Variants in JAM3 observed in about 807,000 individuals in gnomAD.
The protein encoded by JAM3 is junctional adhesion molecule C.
Under a neutral mutation model 39.4 loss-of-function variants are expected in JAM3, and 31 were observed. The observed-to-expected ratio is 0.79, with a 90% CI of 0.59 to 1.06. The LOEUF (loss-of-function observed/expected upper bound fraction) is 1.06, where lower values mean the gene tolerates loss of function less well. JAM3 is among the 50% of genes least tolerant of loss of function. The pLI is 0.00. For synonymous variants in JAM3, 182 were observed against 148.7 expected (o/e 1.22, Z -1.63); for missense variants, 455 against 391.4 (o/e 1.16, Z -1.37).
intron 1 of JAM3, among the ~76,000 whole-genome samples, chr11:134,111,700 A>G (rs984879355): frequency 2.6e-5 from 4 of 152,238 alleles, no homozygotes; most frequent in African/African-American, 9.6e-5. Context: ...GAAAATGGTT[A>G]AAATCACAAG....
chr11:134,073,976 T>C, intron 1 of JAM3, among the ~76,000 whole-genome samples: 1 of 152,208 alleles, frequency 6.6e-6, no homozygotes, highest in East Asian at 1.9e-4. Context: ...AAGAGAATGG[T>C]AATAATTTAT....
intron 6 of JAM3, among the ~76,000 whole-genome samples, chr11:134,147,365 G>A (rs1391948195): frequency 4.2e-5 from 6 of 143,806 alleles, no homozygotes; most frequent in Non-Finnish European, 7.5e-5. Flanking sequence ...GAGGCAGAAG[G>A]ATCCCTTGAA....
intron 1 of JAM3, among the ~76,000 whole-genome samples, chr11:134,108,801 C>CA (rs1942253248): frequency 6.6e-6 from 1 of 151,996 alleles, no homozygotes; most frequent in African/African-American, 2.4e-5. Context: ...CAGACAACAG[C>CA]AAAACAACAG....
At chr11:134,124,754 T>C (rs573155130) in intron 1 of JAM3, among the ~76,000 whole-genome samples, 76 of 151,520 alleles carry the variant, frequency 5.0e-4, no homozygotes, top group African/African-American at 1.7e-3. Flanking sequence ...GGCCGGTCGG[T>C]GTGTCCAGGA....
At position 134,093,234 on chromosome 11, in the gene JAM3, G is replaced by A. The variant is rs74382521; in HGVS notation, c.76+24075G>A. Among the ~76,000 whole-genome samples, 106 of 88,062 alleles carry A rather than the reference G, an allele frequency of 1.2e-3. 1 individual carries two copies. The highest frequency in any genetic ancestry group is 4.4e-3 in the East Asian group (9 of 2,054). 57.8% of individuals were successfully genotyped at this position (88,062 alleles called of 152,430 possible). ...CCTTACATCTTATTCATCATGTTCC[G>A]TCTTACATGTCACTTCCTGAGGGAA... On this transcript the variant is annotated intron_variant, in intron 1 of 8. Transcript: ENST00000299106.
At chr11:134,098,279 A>G (rs1445300901) in intron 1 of JAM3, among the ~76,000 whole-genome samples, 1 of 152,208 alleles carries the variant, frequency 6.6e-6, no homozygotes, top group East Asian at 1.9e-4. Flanking sequence ...ACAAAAGTTC[A>G]ACTTCAGAGA....
intron 1 of JAM3, among the ~76,000 whole-genome samples, chr11:134,078,003 C>T (rs942163867): frequency 6.6e-6 from 1 of 152,098 alleles, no homozygotes; most frequent in Non-Finnish European, 1.5e-5. Context: ...CAGTGCCTGT[C>T]TCTGGGGTGA....
chr11:134,121,818 T>TGCGC (rs56410711), intron 1 of JAM3, among the ~76,000 whole-genome samples: 4,566 of 118,444 alleles, frequency 0.039, 214 homozygotes, highest in East Asian at 0.25. Flanking sequence ...CGTGCATGTG[T>TGCGC]GCGCACACAC....
chr11:134,121,940 C>T (rs1022759338), intron 1 of JAM3, among the ~76,000 whole-genome samples: 4 of 152,062 alleles, frequency 2.6e-5, no homozygotes, highest in Non-Finnish European at 5.9e-5. Context: ...CACTGTCTAC[C>T]TTAGCTTAGC....
intron 1 of JAM3, among the ~76,000 whole-genome samples, chr11:134,116,603 G>A (rs1942438280): frequency 6.6e-6 from 1 of 151,994 alleles, no homozygotes; most frequent in Admixed American, 6.6e-5. Context: ...GGTGCTCCAG[G>A]CTTATCTTGT....
chr11:134,100,786 C>G (rs1239066996), intron 1 of JAM3, among the ~76,000 whole-genome samples: 1 of 152,154 alleles, frequency 6.6e-6, no homozygotes, highest in Non-Finnish European at 1.5e-5. Flanking sequence ...AACATCCAAG[C>G]CAGAAACACT....
intron 1 of JAM3, among the ~76,000 whole-genome samples, chr11:134,137,566 A>G (rs1043315813): frequency 8.5e-5 from 13 of 152,226 alleles, no homozygotes; most frequent in African/African-American, 2.7e-4. Flanking sequence ...CTCTGGTCAT[A>G]GTCCCTTAGA....
At chr11:134,108,611 C>T (rs536623293) in intron 1 of JAM3, among the ~76,000 whole-genome samples, 2 of 152,058 alleles carry the variant, frequency 1.3e-5, no homozygotes, top group African/African-American at 4.8e-5. Context: ...AAAAACCAAC[C>T]GAGGTTTATC....
At chr11:134,115,060 C>T (rs1369781554) in intron 1 of JAM3, among the ~76,000 whole-genome samples, 1 of 152,058 alleles carries the variant, frequency 6.6e-6, no homozygotes, top group African/African-American at 2.4e-5. Flanking sequence ...TTTTTATGTT[C>T]TTTTGATGAA....
At chr11:134,106,982 G>T (rs1259169177) in intron 1 of JAM3, among the ~76,000 whole-genome samples, 1 of 152,150 alleles carries the variant, frequency 6.6e-6, no homozygotes. Flanking sequence ...CCATTACTGG[G>T]TATATACCCA....
intron 1 of JAM3, among the ~76,000 whole-genome samples, chr11:134,131,393 A>G (rs1005723719): frequency 6.6e-6 from 1 of 152,080 alleles, no homozygotes; most frequent in Non-Finnish European, 1.5e-5. Flanking sequence ...ATGGACTACT[A>G]CAGCCTTAAA....
intron 1 of JAM3, among the ~76,000 whole-genome samples, chr11:134,096,298 C>T (rs1396817213): frequency 6.6e-6 from 1 of 152,170 alleles, no homozygotes; most frequent in Non-Finnish European, 1.5e-5. Flanking sequence ...AATGAACTGA[C>T]ATCCTTGGAG....
At chr11:134,136,267 T>C (rs1427623630) in intron 1 of JAM3, among the ~76,000 whole-genome samples, 1 of 152,184 alleles carries the variant, frequency 6.6e-6, no homozygotes, top group Non-Finnish European at 1.5e-5. Context: ...TAGCACTGGA[T>C]TCAGTGTGTG....
chr11:134,105,982 G>A (rs973102727), intron 1 of JAM3, among the ~76,000 whole-genome samples: 30 of 152,254 alleles, frequency 2.0e-4, no homozygotes, highest in African/African-American at 7.2e-4. Context: ...TTTCTTCACA[G>A]AATTGGAAAA....
Sources: allele counts gnomAD v4.1 joint callset (sites outside exome capture counted in the v4.1 genomes callset), GRCh38; gene constraint gnomAD v4.1.1; transcripts MANE v1.5; gene names NCBI Gene and HGNC (gene_info 2026-07-23, HGNC 2026-07-21).